The following RIPOR2 variants were observed in gnomAD, a reference collection of about 807,000 sequenced individuals.
RIPOR2 encodes the protein RHO family interacting cell polarization regulator 2.
RIPOR2 carries 39 observed loss-of-function variants against 114.5 expected under a neutral mutation model. The ratio of observed to expected loss-of-function variants is 0.34; its 90% confidence interval spans 0.26 to 0.44. RIPOR2 has a LOEUF of 0.44. Ranked by LOEUF, RIPOR2 falls within the 20% of genes least tolerant of loss-of-function variation. RIPOR2 has a pLI of 1.00. For missense variants in RIPOR2, 1,007 were observed against 1,255.1 expected (o/e 0.80, Z 2.99); for synonymous variants, 445 against 484.4 (o/e 0.92, Z 1.07).
At chr6:24,903,432 G>A (rs1768670733) in intron 1 of RIPOR2, among the ~76,000 whole-genome samples, 1 of 152,092 alleles carries the variant, frequency 6.6e-6, no homozygotes, top group African/African-American at 2.4e-5. Context: ...AGTTATTACT[G>A]AGGGCATCTT....
At chr6:24,928,790 G>A (rs369986229) in intron 1 of RIPOR2, among the ~76,000 whole-genome samples, 1 of 152,202 alleles carries the variant, frequency 6.6e-6, no homozygotes, top group South Asian at 2.1e-4. Flanking sequence ...AGCCACAGAC[G>A]AAATAACCCC....
chr6:24,881,001 T>C (rs1185015215), intron 1 of RIPOR2, among the ~76,000 whole-genome samples: 3 of 152,292 alleles, frequency 2.0e-5, no homozygotes, highest in East Asian at 3.9e-4. Flanking sequence ...CCCAGCACTT[T>C]GGGAGGCCGA....
chr6:25,029,212 C>T (rs1275836087), intron 1 of RIPOR2, among the ~76,000 whole-genome samples: 2 of 151,862 alleles, frequency 1.3e-5, no homozygotes, highest in African/African-American at 4.8e-5. Context: ...GGCTTGAACT[C>T]GGGAGGTGGA....
At chr6:25,008,645 G>T (rs1200009498) in intron 1 of RIPOR2, among the ~76,000 whole-genome samples, 1 of 152,238 alleles carries the variant, frequency 6.6e-6, no homozygotes, top group Non-Finnish European at 1.5e-5. Context: ...ATTTGTTACA[G>T]TAGCAATAGG....
chr6:24,980,287 G>A (rs940439056), intron 1 of RIPOR2, among the ~76,000 whole-genome samples: 13 of 152,134 alleles, frequency 8.5e-5, no homozygotes, highest in Admixed American at 4.6e-4. Flanking sequence ...TGTGCTTCCC[G>A]ATTTATCTAC....
rs1780709390 is a variant in RIPOR2 at position 24,805,367 on chromosome 6, A to G, written c.*1006T>C. On this transcript the variant is annotated 3_prime_UTR_variant, in exon 22 of 22. Coordinates refer to ENST00000643898, the MANE Select transcript of RIPOR2 (RefSeq NM_001286445.3). Reference sequence around the variant, plus strand: ...ATTTGGGAATTTTCAGGATGGGGAAAAGAAACAAAATAAATTATGGGAGTT... The same window carrying G: ...ATTTGGGAATTTTCAGGATGGGGAAGAGAAACAAAATAAATTATGGGAGTT... 6.6e-6 allele frequency: 1 copy of G among 152,014 alleles called. No homozygotes were observed. The highest frequency in any genetic ancestry group is 2.4e-5 in the African/African-American group (1 of 41,394). The allele number at this position is 152,014 out of a possible 1,614,324, so 9.4% of individuals were successfully genotyped here. A position where few individuals can be genotyped will look rare whatever the true frequency, so the allele number is the denominator to read the frequency against.
At chr6:24,842,810 C>T (rs1761850212) in intron 13 of RIPOR2, 52 bp downstream of exon 13, 1 of 1,110,760 alleles carries the variant, frequency 9.0e-7, no homozygotes, top group Admixed American at 3.1e-5. Flanking sequence ...AGAATGTTGG[C>T]TTAGGACACC....
At chr6:24,863,197 C>A (rs1764249992) in intron 7 of RIPOR2, among the ~76,000 whole-genome samples, 1 of 152,160 alleles carries the variant, frequency 6.6e-6, no homozygotes. Flanking sequence ...AAGTGAACCT[C>A]CCAACTTGGC....
At chr6:24,832,098 A>G (rs557169647) in intron 16 of RIPOR2, among the ~76,000 whole-genome samples, 158 bp downstream of exon 16, 1 of 152,306 alleles carries the variant, frequency 6.6e-6, no homozygotes, top group East Asian at 1.9e-4. Flanking sequence ...CCGAAATGTG[A>G]CATTAATGAG....
chr6:25,033,060 C>T (rs527564820), intron 1 of RIPOR2, among the ~76,000 whole-genome samples: 3 of 152,186 alleles, frequency 2.0e-5, no homozygotes, highest in South Asian at 2.1e-4. Flanking sequence ...AAAAATTAGC[C>T]GGGCATGGTG....
intron 1 of RIPOR2, among the ~76,000 whole-genome samples, chr6:24,968,713 C>T (rs1445159650): frequency 1.3e-5 from 2 of 152,336 alleles, no homozygotes; most frequent in East Asian, 3.9e-4. Context: ...CAAGCCTACA[C>T]TTGCAGGACC....
chr6:24,852,070 G>C (rs779022683), intron 9 of RIPOR2, among the ~76,000 whole-genome samples: 44 of 151,966 alleles, frequency 2.9e-4, no homozygotes, highest in Admixed American at 1.1e-3. Context: ...GACCAGCCTG[G>C]CCAACATGGT....
At chr6:24,847,466 AC>A in intron 12 of RIPOR2, 1 of 1,448,218 alleles carries the variant, frequency 6.9e-7, no homozygotes, top group Non-Finnish European at 9.4e-7. Flanking sequence ...AGAAGATAAA[AC>A]AAGAGACATG....
At chr6:25,031,222 C>T (rs1776912556) in intron 1 of RIPOR2, 1 of 152,242 alleles carries the variant, frequency 6.6e-6, no homozygotes, top group Non-Finnish European at 1.5e-5. Flanking sequence ...CCCCAGAACT[C>T]CTGGGCTCAA....
At chr6:24,909,975 T>C (rs1173077748) in intron 1 of RIPOR2, among the ~76,000 whole-genome samples, 1 of 152,140 alleles carries the variant, frequency 6.6e-6, no homozygotes, top group Non-Finnish European at 1.5e-5. Context: ...CCTTAGCACC[T>C]GATGACTTCT....
At position 24,837,613 on chromosome 6, in the gene RIPOR2, T is replaced by A. The variant is rs188705392; in HGVS notation, c.2039+1478A>T. ...TTAGTAGAGATGGCATTTTGCCATG[T>A]TTCCCAGGCTGGTCTTGAACTACTG... On this transcript the variant is annotated intron_variant, in intron 14 of 21. Coordinates refer to ENST00000643898, the MANE Select transcript of RIPOR2 (RefSeq NM_001286445.3). Among the ~76,000 whole-genome samples, 158 of 152,182 alleles carry A rather than the reference T, an allele frequency of 1.0e-3. 1 individual carries two copies. The highest frequency in any genetic ancestry group is 3.4e-3 in the African/African-American group (142 of 41,534).
chr6:24,889,901 TA>T (rs1199755764), intron 1 of RIPOR2, among the ~76,000 whole-genome samples: 2 of 152,168 alleles, frequency 1.3e-5, no homozygotes, highest in East Asian at 3.9e-4. Flanking sequence ...TATTTTATTT[TA>T]TTTTTTTGAG....
chr6:24,825,450 G>A, intron 18 of RIPOR2, 22 bp from the exon 19 acceptor site: 1 of 1,514,348 alleles, frequency 6.6e-7, no homozygotes, highest in Non-Finnish European at 9.0e-7. Flanking sequence ...GAAGGAAGGA[G>A]ATTTCATGTT....
At chr6:24,914,759 T>A (rs1057329492) in intron 1 of RIPOR2, among the ~76,000 whole-genome samples, 6 of 152,134 alleles carry the variant, frequency 3.9e-5, no homozygotes, top group African/African-American at 1.4e-4. Flanking sequence ...ACACAATTCA[T>A]CAGAAGAAAG....
Sources: allele counts gnomAD v4.1 joint callset (sites outside exome capture counted in the v4.1 genomes callset), GRCh38; gene constraint gnomAD v4.1.1; transcripts MANE v1.5; gene names NCBI Gene and HGNC (gene_info 2026-07-23, HGNC 2026-07-21).